The following WDFY3 variants were observed in gnomAD, a reference collection of about 807,000 sequenced individuals.
The protein encoded by WDFY3 is WD repeat and FYVE domain containing 3, also known as WD repeat and FYVE domain-containing protein 3.
In WDFY3, 66 loss-of-function variants were observed where a neutral mutation model predicts 409.6. The observed-to-expected ratio is 0.16, with a 90% confidence interval of 0.13 to 0.20. WDFY3 has a LOEUF of 0.20. Among genes scored for constraint, WDFY3 ranks in the 10% least tolerant of loss-of-function variants. The pLI, the probability that WDFY3 is intolerant of heterozygous loss-of-function variation, is 1.00. For synonymous variants in WDFY3, 1,521 were observed against 1,537.1 expected, an observed-to-expected ratio of 0.99 and a Z score of 0.25; for missense variants, 3,031 against 4,298.1, an observed-to-expected ratio of 0.71 and a Z score of 8.24.
At chr4:84,679,388 C>A in intron 64 of WDFY3, 146 bp from the exon 65 acceptor site, 1 of 845,128 alleles carries the variant, frequency 1.2e-6, no homozygotes. Context: ...AAAGTAAGTG[C>A]CAGGATTTTT....
intron 42 of WDFY3, among the ~76,000 whole-genome samples, chr4:84,735,810 C>A (rs545617488): frequency 1.8e-4 from 28 of 152,236 alleles, no homozygotes; most frequent in Admixed American, 1.3e-4. Flanking sequence ...CATAGGTATA[C>A]ACAACAAGAT....
intron 2 of WDFY3, among the ~76,000 whole-genome samples, chr4:84,912,760 C>A (rs1423370650): frequency 6.6e-6 from 1 of 151,820 alleles, no homozygotes. Context: ...AAAGAAAAAA[C>A]AAAGCTTACC....
chr4:84,858,757 A>T (rs1474930148), intron 4 of WDFY3, among the ~76,000 whole-genome samples: 1 of 149,836 alleles, frequency 6.7e-6, no homozygotes, highest in Non-Finnish European at 1.5e-5. Context: ...TACAGGGGAC[A>T]GAGCCAGTCA....
In WDFY3 at chr4:84,751,695, C is replaced by T; in HGVS notation, c.5761G>A (p.Val1921Ile). Residue 1921 changes from valine (V) to isoleucine (I), a missense_variant, in exon 36 of 68, where the codon GTT becomes ATT. Physicochemically the swap from Val to Ile is conservative, Grantham distance 29. Coordinates refer to ENST00000295888, the MANE Select transcript of WDFY3 (RefSeq NM_014991.6). ...TTAAACTCTTCTGCTGGAGATCCAA[C>T]TTCATCATCAAGGTCAGTCACCTAG... Reference protein sequence around the residue: ...SEMVTDLDDEVGSPAEEFKAF... With the variant: ...SEMVTDLDDEIGSPAEEFKAF... 6.2e-7 allele frequency: 1 copy of T among 1,614,152 alleles called. No individual in the cohort carries two copies. The highest frequency in any genetic ancestry group is 8.5e-7 in the Non-Finnish European group (1 of 1,180,022).
At chr4:84,689,855 C>T (rs995712121) in intron 61 of WDFY3, among the ~76,000 whole-genome samples, 1 of 152,154 alleles carries the variant, frequency 6.6e-6, no homozygotes, top group African/African-American at 2.4e-5. Flanking sequence ...GGTATTGTTA[C>T]ATTATTTTTC....
intron 51 of WDFY3, 86 bp downstream of exon 51, chr4:84,713,073 A>T: frequency 7.0e-7 from 1 of 1,430,662 alleles, no homozygotes; most frequent in Non-Finnish European, 9.7e-7. Flanking sequence ...AAAAACACTC[A>T]TCTAAAATGT....
chr4:84,905,562 C>A (rs918875882), intron 2 of WDFY3, among the ~76,000 whole-genome samples: 3 of 152,192 alleles, frequency 2.0e-5, no homozygotes, highest in Non-Finnish European at 2.9e-5. Flanking sequence ...CTGCGATTAT[C>A]TTTCACCTGA....
chr4:84,907,495 C>T (rs999739521), intron 2 of WDFY3, among the ~76,000 whole-genome samples: 2 of 152,072 alleles, frequency 1.3e-5, no homozygotes, highest in African/African-American at 4.8e-5. Flanking sequence ...CAGCCATGTA[C>T]GTGAGCCATC....
chr4:84,766,082 A>C, intron 31 of WDFY3, 55 bp from the exon 32 acceptor site: 3 of 1,568,410 alleles, frequency 1.9e-6, no homozygotes, highest in Non-Finnish European at 2.6e-6. Flanking sequence ...TTCAGAAATT[A>C]GGATTTCAAA....
intron 4 of WDFY3, among the ~76,000 whole-genome samples, chr4:84,858,896 CAG>C (rs1359608180): frequency 2.0e-5 from 3 of 150,864 alleles, no homozygotes; most frequent in Non-Finnish European, 4.4e-5. Flanking sequence ...GAAATAGGGA[CAG>C]AGAGGAGACA....
intron 33 of WDFY3, among the ~76,000 whole-genome samples, 178 bp from the exon 34 acceptor site, chr4:84,755,578 A>G (rs897536945): frequency 6.6e-6 from 1 of 152,210 alleles, no homozygotes; most frequent in African/African-American, 2.4e-5. Flanking sequence ...ACTCATTTTT[A>G]TAGATATAAA....
intron 67 of WDFY3, among the ~76,000 whole-genome samples, chr4:84,674,933 G>A (rs986826339): frequency 6.6e-6 from 1 of 151,424 alleles, no homozygotes; most frequent in African/African-American, 2.4e-5. Context: ...GCTTTGAAAG[G>A]CCTGCTCTAT....
At position 84,927,614 on chromosome 4, in the gene WDFY3, G is replaced by A. The variant is rs1255892557; in HGVS notation, c.-132+4656C>T. ...GGGCGGGGCCAGGTGGAGGTAATTG[G>A]ATCATGGCGGAGGTTTCCCCCATGC... is the stretch of plus-strand genomic sequence containing the variant. On this transcript the variant is annotated intron_variant, in intron 2 of 67. Coordinates refer to ENST00000295888, the MANE Select transcript of WDFY3 (RefSeq NM_014991.6). Among the ~76,000 whole-genome samples the A allele has an allele frequency of 5.3e-5, 8 of 152,124 alleles. No homozygotes were observed. In the South Asian group the frequency reaches 6.2e-4, roughly 12 times the overall value.
chr4:84,944,111 T>C (rs1772491958), intron 1 of WDFY3, among the ~76,000 whole-genome samples: 1 of 152,228 alleles, frequency 6.6e-6, no homozygotes, highest in Non-Finnish European at 1.5e-5. Context: ...GATTGTCAAA[T>C]ACATATGCTA....
chr4:84,824,474 G>T (rs1359130401), intron 10 of WDFY3, among the ~76,000 whole-genome samples: 1 of 152,100 alleles, frequency 6.6e-6, no homozygotes, highest in Non-Finnish European at 1.5e-5. Flanking sequence ...CCAGTTAAGA[G>T]GGGAGTGATT....
intron 1 of WDFY3, among the ~76,000 whole-genome samples, chr4:84,945,495 T>C (rs1232274650): frequency 2.0e-5 from 3 of 152,234 alleles, no homozygotes; most frequent in Admixed American, 2.0e-4. Flanking sequence ...TCACTTCAAA[T>C]GGTGATGGGC....
At chr4:84,953,741 T>C (rs1010083717) in intron 1 of WDFY3, among the ~76,000 whole-genome samples, 4 of 152,096 alleles carry the variant, frequency 2.6e-5, no homozygotes, top group African/African-American at 9.7e-5. Context: ...TTTGGGCTAA[T>C]ATTTTTCCCC....
chr4:84,829,506 T>C (rs1489458008), intron 8 of WDFY3, among the ~76,000 whole-genome samples: 1 of 152,144 alleles, frequency 6.6e-6, no homozygotes, highest in Non-Finnish European at 1.5e-5. Context: ...TTTTGATCTT[T>C]TATATTGATA....
chr4:84,794,688 A>T lies in WDFY3; in HGVS notation c.3318T>A (p.Phe1106Leu). ...PPSGLSYSSWFCIEHFSSPPN... is the reference protein window; with the variant it reads ...PPSGLSYSSWLCIEHFSSPPN... ...GAGGAGAACTAAAATGTTCAATACA[A>T]AACCAGCTAGAGTAACTTAAGCCGG... Residue 1106 changes from phenylalanine to leucine, a missense_variant, in exon 21 of 68, where the codon TTT becomes TTA. Transcript: ENST00000295888. 1.9e-6 allele frequency: 3 copies of T among 1,614,082 alleles called. No homozygotes were observed. The highest frequency in any genetic ancestry group is 2.5e-6 in the Non-Finnish European group (3 of 1,179,990).
Sources: allele counts gnomAD v4.1 joint callset (sites outside exome capture counted in the v4.1 genomes callset), GRCh38; gene constraint gnomAD v4.1.1; transcripts MANE v1.5; gene names NCBI Gene and HGNC (gene_info 2026-07-23, HGNC 2026-07-21).